Variants in MCTP1 observed in about 807,000 individuals in gnomAD.
MCTP1 encodes the protein multiple C2 and transmembrane domain-containing protein 1.
Under a neutral mutation model 120.6 loss-of-function variants are expected in MCTP1, and 69 were observed. The ratio of observed to expected loss-of-function variants is 0.57; its 90% confidence interval spans 0.47 to 0.70. MCTP1 has a LOEUF of 0.70. Among genes scored for constraint, MCTP1 ranks in the 30% least tolerant of loss-of-function variants. MCTP1 has a pLI of 0.00. For synonymous variants in MCTP1, 529 were observed against 493.1 expected, an observed-to-expected ratio of 1.07 and a Z score of -0.96; for missense variants, 1,203 against 1,248.8, an observed-to-expected ratio of 0.96 and a Z score of 0.55.
chr5:94,854,852 T>G (rs1794440453), intron 17 of MCTP1, among the ~76,000 whole-genome samples: 1 of 151,890 alleles, frequency 6.6e-6, no homozygotes, highest in Non-Finnish European at 1.5e-5. Flanking sequence ...AATCTGATTT[T>G]CTATAAAAGT....
At chr5:95,105,071 C>G (rs570861804) in intron 1 of MCTP1, among the ~76,000 whole-genome samples, 2 of 152,282 alleles carry the variant, frequency 1.3e-5, no homozygotes, top group African/African-American at 4.8e-5. Context: ...TATAACAATC[C>G]ATAGCATGCT....
chr5:95,146,526 T>C (rs898104410), intron 1 of MCTP1, among the ~76,000 whole-genome samples: 1 of 152,212 alleles, frequency 6.6e-6, no homozygotes, highest in Admixed American at 6.5e-5. Context: ...TTTAGCACTA[T>C]AAACTTTCCT....
rs59169145 is a variant in MCTP1 at position 94,844,301 on chromosome 5, C to CA, written c.2436+24031dup. 2.0e-3 allele frequency among the ~76,000 whole-genome samples: 162 copies of CA among 79,588 alleles called. 2 individuals are homozygous for CA. Among genetic ancestry groups the CA allele is most frequent in the African/African-American group, 5.3e-3 (98 of 18,630 alleles). 52.2% of individuals were successfully genotyped at this position (79,588 alleles called of 152,430 possible). A position where few individuals can be genotyped will look rare whatever the true frequency, so the allele number is the denominator to read the frequency against. On this transcript the variant is annotated intron_variant, in intron 17 of 22. Transcript: ENST00000515393. ...TGGGCGACAGAGTGAGACTCTGTCT[C>CA]AAAAAAAAAAAAAAAAAAAAGAAAA...
chr5:94,849,178 C>T (rs963126710), intron 17 of MCTP1, among the ~76,000 whole-genome samples: 1 of 152,004 alleles, frequency 6.6e-6, no homozygotes, highest in African/African-American at 2.4e-5. Context: ...TGGAATTAGA[C>T]ACTCATCGGT....
chr5:95,023,453 T>C (rs1342026910), intron 1 of MCTP1, among the ~76,000 whole-genome samples: 1 of 152,158 alleles, frequency 6.6e-6, no homozygotes, highest in African/African-American at 2.4e-5. Context: ...TGACAAGATG[T>C]GGGAAACAGT....
intron 12 of MCTP1, among the ~76,000 whole-genome samples, chr5:94,882,829 A>G (rs1350256440): frequency 2.6e-5 from 4 of 152,134 alleles, no homozygotes. Context: ...CATCCCACCT[A>G]TTCTTCCAGG....
intron 10 of MCTP1, among the ~76,000 whole-genome samples, chr5:94,896,813 T>C (rs920277386): frequency 2.0e-5 from 3 of 152,184 alleles, no homozygotes; most frequent in Admixed American, 1.3e-4. Context: ...CTTGCTCTAG[T>C]AGGCAGAAGG....
At chr5:94,894,945 C>T in intron 10 of MCTP1, 110 bp from the exon 11 acceptor site, 1 of 668,854 alleles carries the variant, frequency 1.5e-6, no homozygotes, top group Non-Finnish European at 2.4e-6. Context: ...TTATTTGGAC[C>T]ATTGGAAGAA....
At chr5:94,924,090 A>C in intron 6 of MCTP1, 69 bp from the exon 7 acceptor site, 1 of 929,346 alleles carries the variant, frequency 1.1e-6, no homozygotes, top group Non-Finnish European at 1.6e-6. Flanking sequence ...GTAAATACAA[A>C]CAAATAAAAT....
intron 1 of MCTP1, among the ~76,000 whole-genome samples, chr5:95,027,682 G>A (rs979016493): frequency 2.6e-5 from 4 of 152,164 alleles, no homozygotes; most frequent in African/African-American, 9.7e-5. Context: ...AGCTCCCACT[G>A]CTGAAAGCCT....
intron 19 of MCTP1, among the ~76,000 whole-genome samples, chr5:94,732,707 G>A (rs998999208): frequency 6.6e-5 from 10 of 152,090 alleles, no homozygotes; most frequent in Non-Finnish European, 2.9e-5. Context: ...AAACCCTAGA[G>A]AGTTCTTCTG....
At chr5:95,042,430 T>G (rs758084672) in intron 1 of MCTP1, among the ~76,000 whole-genome samples, 3 of 152,114 alleles carry the variant, frequency 2.0e-5, no homozygotes, top group Non-Finnish European at 4.4e-5. Context: ...GGTTTATGGA[T>G]AGTGATAAGC....
rs190297421 is a variant in MCTP1, at chr5:94,881,188, C to T, written c.1933+7691G>A. Among the ~76,000 whole-genome samples the T allele has an allele frequency of 2.6e-4, 40 of 152,206 alleles. 1 individual carries two copies. The East Asian group carries it at 5.4e-3, about 21-fold the overall frequency. On this transcript the variant is annotated intron_variant, in intron 12 of 22. Transcript: ENST00000515393. ...AGAGCACGTGGAGTTAATTTTACTGCTGCAGACTGCAAGCAGGGGTCATGT... is the reference window on the plus strand; with the variant it reads ...AGAGCACGTGGAGTTAATTTTACTGTTGCAGACTGCAAGCAGGGGTCATGT...
intron 8 of MCTP1, among the ~76,000 whole-genome samples, chr5:94,914,860 T>G (rs1406551902): frequency 6.6e-6 from 1 of 152,252 alleles, no homozygotes; most frequent in Non-Finnish European, 1.5e-5. Context: ...GCCCAAGGTC[T>G]TTGTTTTAGT....
intron 1 of MCTP1, among the ~76,000 whole-genome samples, chr5:95,221,319 T>C (rs1049719700): frequency 6.6e-6 from 1 of 152,240 alleles, no homozygotes; most frequent in African/African-American, 2.4e-5. Flanking sequence ...AGGAAGAGTA[T>C]TCCAAGTAAA....
intron 1 of MCTP1, among the ~76,000 whole-genome samples, chr5:95,159,102 G>C (rs527246825): frequency 6.6e-6 from 1 of 152,044 alleles, no homozygotes; most frequent in African/African-American, 2.4e-5. Flanking sequence ...ATGACATCAC[G>C]TCTAAAAAAT....
At chr5:95,030,820 T>C (rs545081709) in intron 1 of MCTP1, among the ~76,000 whole-genome samples, 2 of 152,172 alleles carry the variant, frequency 1.3e-5, no homozygotes, top group African/African-American at 4.8e-5. Context: ...CCTAACCAAA[T>C]TAAATAGTTT....
chr5:94,974,502 T>C (rs1827625762), intron 2 of MCTP1, among the ~76,000 whole-genome samples: 6 of 151,994 alleles, frequency 3.9e-5, no homozygotes, highest in Admixed American at 3.9e-4. Flanking sequence ...TGAGCTCTCA[T>C]TGTGCCACTG....
chr5:95,212,527 T>C (rs1752510437), intron 1 of MCTP1, among the ~76,000 whole-genome samples: 1 of 152,156 alleles, frequency 6.6e-6, no homozygotes, highest in Admixed American at 6.6e-5. Flanking sequence ...GCCAGCATCA[T>C]ACTGATACCA....
Sources: gnomAD v4.1 joint callset for allele counts (sites outside exome capture counted in the v4.1 genomes callset) on GRCh38, gnomAD v4.1.1 for gene constraint, MANE v1.5 for transcripts, NCBI Gene and HGNC (gene_info 2026-07-23, HGNC 2026-07-21) for gene names.